ARSD: variants seen among roughly 807,000 people sequenced by gnomAD.
ARSD encodes the protein arylsulfatase D, also known as testis tissue sperm-binding protein Li 39a.
ARSD carries 21 observed loss-of-function variants against 32.6 expected under a neutral mutation model. The observed-to-expected ratio is 0.64, with a 90% CI of 0.46 to 0.93. The LOEUF (loss-of-function observed/expected upper bound fraction) is 0.93, where lower values mean the gene tolerates loss of function less well. Ranked by LOEUF, ARSD falls within the 40% of genes least tolerant of loss-of-function variation. The pLI, the probability that ARSD is intolerant of heterozygous loss-of-function variation, is 0.00. For synonymous variants in ARSD, 224 were observed against 237.4 expected, an observed-to-expected ratio of 0.94 and a Z score of 0.52; for missense variants, 454 against 520.9, an observed-to-expected ratio of 0.87 and a Z score of 1.25.
chrX:2,918,561 T>C (rs2088997229), intron 4 of ARSD, among the ~76,000 whole-genome samples: 1 of 110,233 alleles, frequency 9.1e-6, no homozygotes, highest in Non-Finnish European at 1.9e-5. Flanking sequence ...CCATCCTGGC[T>C]AACACGGTGA....
intron 2 of ARSD, among the ~76,000 whole-genome samples, chrX:2,924,314 G>A (rs1046357286): frequency 4.4e-5 from 5 of 113,549 alleles, no homozygotes; most frequent in Admixed American, 2.8e-4. Flanking sequence ...GATGACAGGC[G>A]GGAGCCACCG....
chrX:2,907,200 G>A lies in ARSD; in HGVS notation c.*71C>T, dbSNP rs2088857971. The A allele has an allele frequency of 1.9e-6, 2 of 1,050,602 alleles. No homozygotes were observed. Among genetic ancestry groups the A allele is most frequent in the Non-Finnish European group, 2.6e-6 (2 of 770,081 alleles). 86.6% of individuals were successfully genotyped at this position (1,050,602 alleles called of 1,213,427 possible). A position where few individuals can be genotyped will look rare whatever the true frequency, so the allele number is the denominator to read the frequency against. On this transcript the variant is annotated 3_prime_UTR_variant, in exon 10 of 10. Coordinates refer to ENST00000381154, the MANE Select transcript of ARSD (RefSeq NM_001669.4). The stretch of plus-strand genomic sequence containing the variant: ...CTTGCAAAAAGGGAAGCTGAAGATA[G>A]AACCAAGCTTGGAGAATTTTGTTTG...
At position 2,907,586 on chromosome X, in the gene ARSD, G is replaced by A. The variant is rs187466013; in HGVS notation, c.1467C>T (p.Pro489=). Reference sequence around the variant, plus strand: ...GGCCGTAGCAGGCCCCCGCTCCCTCGGGGTGGAACTGCGGGGTCGTGTAAT... The same window carrying A: ...GGCCGTAGCAGGCCCCCGCTCCCTCAGGGTGGAACTGCGGGGTCGTGTAAT... ...KVHYTTPQFH[P]EGAGACYGRG... is the part of the protein sequence containing the mutation. Residue 489 remains proline (P), a synonymous_variant, in exon 10 of 10, where the codon CCC becomes CCT. Transcript: ENST00000381154. 994 of 1,128,189 alleles carry A rather than the reference G, an allele frequency of 8.8e-4. 5 individuals carry two copies. The African/African-American group carries it at 0.016, about 18-fold the overall frequency. 93.0% of individuals were successfully genotyped at this position (1,128,189 alleles called of 1,213,427 possible).
chrX:2,910,060 A>G, intron 7 of ARSD, 81 bp from the exon 8 acceptor site: 1 of 1,135,373 alleles, frequency 8.8e-7, no homozygotes. Flanking sequence ...GTGCATAGGT[A>G]TGTGAATACG....
rs879073274 is a variant in ARSD, at chrX:2,910,533, C to T, written c.1135+126G>A. On this transcript the variant is annotated intron_variant, in intron 7 of 9. Coordinates refer to ENST00000381154, the MANE Select transcript of ARSD (RefSeq NM_001669.4). ...GCTCATCTAGGTAGAACTTGTACTA[C>T]AGTAGGTGCTCAATGCATTCTTTTT... 36 of 967,616 alleles carry T rather than the reference C, an allele frequency of 3.7e-5. No homozygotes were observed. In the South Asian group the frequency reaches 6.0e-4, roughly 16 times the overall value. The allele number at this position is 967,616 out of a possible 1,213,427, so 79.7% of individuals were successfully genotyped here. A position where few individuals can be genotyped will look rare whatever the true frequency, so the allele number is the denominator to read the frequency against.
At position 2,907,186 on chromosome X, in the gene ARSD, G is replaced by C; in HGVS notation, c.*85C>G. On this transcript the variant is annotated 3_prime_UTR_variant, in exon 10 of 10. Coordinates refer to ENST00000381154, the MANE Select transcript of ARSD (RefSeq NM_001669.4). ...TCCAGGGCATGTTCCTTGCAAAAAGGGAAGCTGAAGATAGAACCAAGCTTG... is the reference window on the plus strand; with the variant it reads ...TCCAGGGCATGTTCCTTGCAAAAAGCGAAGCTGAAGATAGAACCAAGCTTG... The C allele has an allele frequency of 1.2e-5, 11 of 938,008 alleles. No individual in the cohort carries two copies. The highest frequency in any genetic ancestry group is 1.6e-5 in the Non-Finnish European group (11 of 674,252). 77.3% of individuals were successfully genotyped at this position (938,008 alleles called of 1,213,427 possible). A position where few individuals can be genotyped will look rare whatever the true frequency, so the allele number is the denominator to read the frequency against.
At chrX:2,921,786 G>T in intron 3 of ARSD, 117 bp downstream of exon 3, 1 of 874,933 alleles carries the variant, frequency 1.1e-6, no homozygotes. Context: ...ACGATGAATT[G>T]CAGGTGATCT....
rs894605303 is a variant in ARSD at position 2,905,101 on chromosome X, A to G, written c.*2170T>C. On this transcript the variant is annotated 3_prime_UTR_variant, in exon 10 of 10. Coordinates refer to ENST00000381154, the MANE Select transcript of ARSD (RefSeq NM_001669.4). The stretch of plus-strand genomic sequence containing the variant: ...ACACAGGGAGCCAGGGGAGAGGGGC[A>G]TCAGCTGCCTGGTTAGCAGGGCTGT... 2.9e-6 allele frequency: 1 copy of G among 339,598 alleles called. No individual in the cohort carries two copies. The highest frequency in any genetic ancestry group is 5.9e-6 in the Non-Finnish European group (1 of 169,485). The allele number at this position is 339,598 out of a possible 1,213,427, so 28.0% of individuals were successfully genotyped here.
rs749910739 is a variant in ARSD at position 2,907,419 on chromosome X, C to G, written c.1634G>C (p.Gly545Ala). Residue 545 changes from glycine to alanine, a missense_variant, in exon 10 of 10, where the codon GGT becomes GCT. By Grantham distance (60) the Gly-to-Ala change is moderately conservative. Coordinates refer to ENST00000381154, the MANE Select transcript of ARSD (RefSeq NM_001669.4). ...PLYHAVIARV[G>A]AAVSEHRQTL... is the part of the protein sequence containing the mutation. ...CTGCCGATGCTCCGACACCGCGGCACCTACCCTTGCTATCACGGCGTGGTA... is the reference window on the plus strand; with the variant it reads ...CTGCCGATGCTCCGACACCGCGGCAGCTACCCTTGCTATCACGGCGTGGTA... 1.3e-5 allele frequency: 16 copies of G among 1,212,131 alleles called. No individual in the cohort carries two copies. Among genetic ancestry groups the G allele is most frequent in the Non-Finnish European group, 1.8e-5 (16 of 895,574 alleles).
In ARSD at chrX:2,910,732, G is replaced by A; in HGVS notation, c.1062C>T (p.Thr354=). 8.3e-7 allele frequency: 1 copy of A among 1,211,376 alleles called. No individual in the cohort carries two copies. Among genetic ancestry groups the A allele is most frequent in the South Asian group, 1.8e-5 (1 of 56,974 alleles). ...CCTCTAAATGTCCTCCATGGTCAGA[G>A]GTGAAATACGTGAATGTTGAGTTCT... The part of the protein sequence containing the change: ...GLKNSTFTYF[T]SDHGGHLEAR... Residue 354 remains threonine (T), a synonymous_variant, in exon 7 of 10, where the codon ACC becomes ACT. Transcript: ENST00000381154.
At position 2,904,903 on chromosome X, in the gene ARSD, C is replaced by CTTT. The variant is rs57996096; in HGVS notation, c.*2365_*2367dup. On this transcript the variant is annotated 3_prime_UTR_variant, in exon 10 of 10. Transcript: ENST00000381154. ...CGTGTCCCATGCTCCATAGATGTTT[C>CTTT]TTTTTTTTTTTTTTTTTAATCATTT... 8.6e-5 allele frequency: 18 copies of CTTT among 210,477 alleles called. No individual in the cohort carries two copies. The highest frequency in any genetic ancestry group is 1.3e-4 in the Non-Finnish European group (15 of 113,633). The allele number at this position is 210,477 out of a possible 1,213,427, so 17.3% of individuals were successfully genotyped here.
Position 2,918,145 on chromosome X carries a change from G to A in ARSD, c.522C>T (p.Tyr174=), listed in dbSNP as rs769256146. The A allele has an allele frequency of 8.3e-7, 1 of 1,200,404 alleles. No individual in the cohort carries two copies. Among genetic ancestry groups the A allele is most frequent in the Admixed American group, 2.2e-5 (1 of 45,127 alleles). ...HPLNHGFDYF[Y]GMPFTLTNDC... ...CGTTTGTGAGCGTGAAGGGCATGCC[G>A]TAGAAATAGTCAAATCCGTGGTTCA... The change falls in exon 5 of 10, where the codon TAC becomes TAT. Residue 174 remains tyrosine (Y), a synonymous_variant. Transcript: ENST00000381154.
At chrX:2,913,655 C>T in intron 6 of ARSD, 1 of 992,887 alleles carries the variant, frequency 1.0e-6, no homozygotes, top group South Asian at 2.0e-5. Flanking sequence ...GGTGACCTCT[C>T]TGCATTGTCC....
At chrX:2,908,042 C>G (rs747050842) in intron 9 of ARSD, 1,429 of 609,305 alleles carry the variant, frequency 2.3e-3, no homozygotes, top group Non-Finnish European at 2.7e-3. Flanking sequence ...ATCTATCTAT[C>G]GCTACCTATT....
chrX:2,909,686 A>T, intron 8 of ARSD, 131 bp downstream of exon 8: 1 of 322,457 alleles, frequency 3.1e-6, no homozygotes, highest in Non-Finnish European at 4.3e-6. Flanking sequence ...TCTGTCTCAA[A>T]AAAAAAAAAA....
At chrX:2,918,405 G>C (rs1284442093) in intron 4 of ARSD, among the ~76,000 whole-genome samples, 178 bp from the exon 5 acceptor site, 1 of 112,794 alleles carries the variant, frequency 8.9e-6, no homozygotes, top group Non-Finnish European at 1.9e-5. Flanking sequence ...ATTCTGATCC[G>C]TGAAGACTAA....
At chrX:2,917,464 T>TA (rs150125928) in intron 5 of ARSD, among the ~76,000 whole-genome samples, 1 of 110,559 alleles carries the variant, frequency 9.0e-6, no homozygotes, top group African/African-American at 3.3e-5. Flanking sequence ...GTCTTTTTTT[T>TA]AAATTAAACT....
chrX:2,923,794 G>T (rs1314027607), intron 2 of ARSD, among the ~76,000 whole-genome samples: 1 of 112,452 alleles, frequency 8.9e-6, no homozygotes, highest in Non-Finnish European at 1.9e-5. Flanking sequence ...GGACTTCGAC[G>T]TAGGCGTTTA....
At position 2,919,331 on chromosome X, in the gene ARSD, G is replaced by T. The variant is rs2089007691; in HGVS notation, c.440-1104C>A. ...AGGGGAACTGGGGACCCTGCACAGA[G>T]ATCCCACCACCAGGTCGGGGCGGGT... On this transcript the variant is annotated intron_variant, in intron 4 of 9. Coordinates refer to ENST00000381154, the MANE Select transcript of ARSD (RefSeq NM_001669.4). 2.8e-5 allele frequency among the ~76,000 whole-genome samples: 3 copies of T among 107,907 alleles called. No homozygotes were observed. In the Admixed American group the frequency reaches 3.0e-4, roughly 11 times the overall value. The allele number at this position is 107,907 out of a possible 115,157, so 93.7% of individuals were successfully genotyped here.
Sources: gnomAD v4.1 joint callset for allele counts (sites outside exome capture counted in the v4.1 genomes callset) on GRCh38, gnomAD v4.1.1 for gene constraint, MANE v1.5 for transcripts, NCBI Gene and HGNC (gene_info 2026-07-23, HGNC 2026-07-21) for gene names.